The following RNF19A variants were observed in gnomAD, a reference collection of about 807,000 sequenced individuals.
The protein encoded by RNF19A is E3 ubiquitin-protein ligase RNF19A.
A neutral mutation model predicts 75.7 loss-of-function variants in RNF19A; 32 were observed. That is an observed-to-expected ratio of 0.42 (90% CI 0.32 to 0.57). RNF19A has a LOEUF of 0.57. Ranked by LOEUF, RNF19A falls within the 20% of genes least tolerant of loss-of-function variation. The pLI, the probability that RNF19A is intolerant of heterozygous loss-of-function variation, is 0.10. For missense variants in RNF19A, 782 were observed against 1,036.3 expected (o/e 0.75, Z 3.37); for synonymous variants, 335 against 345.2 (o/e 0.97, Z 0.33).
intron 1 of RNF19A, among the ~76,000 whole-genome samples, chr8:100,290,984 G>C (rs1390100889): frequency 2.0e-5 from 3 of 152,192 alleles, no homozygotes; most frequent in Non-Finnish European, 4.4e-5. Flanking sequence ...GCAGTCCTTA[G>C]AGGTCAACCT....
chr8:100,263,941 G>T, intron 7 of RNF19A, 93 bp downstream of exon 7: 2 of 1,038,854 alleles, frequency 1.9e-6, no homozygotes, highest in Non-Finnish European at 1.4e-6. Context: ...TAAAAGGATG[G>T]CAATGGAAAT....
At chr8:100,308,146 C>A (rs1210453475) in intron 1 of RNF19A, among the ~76,000 whole-genome samples, 2 of 152,084 alleles carry the variant, frequency 1.3e-5, no homozygotes, top group South Asian at 2.1e-4. Flanking sequence ...CTCCTGGAAG[C>A]TAAGATAGTG....
At chr8:100,263,752 T>C (rs1819836409) in intron 7 of RNF19A, among the ~76,000 whole-genome samples, 1 of 152,148 alleles carries the variant, frequency 6.6e-6, no homozygotes, top group African/African-American at 2.4e-5. Context: ...TTCATATCCT[T>C]TACTTAGTTA....
At chr8:100,296,659 A>C (rs555650308) in intron 1 of RNF19A, among the ~76,000 whole-genome samples, 1 of 152,352 alleles carries the variant, frequency 6.6e-6, no homozygotes, top group South Asian at 2.1e-4. Context: ...CTAAAGTACA[A>C]TGAAAGGTTA....
rs774716880 is a variant in RNF19A, at chr8:100,264,683, C to T, written c.1294G>A (p.Ala432Thr). 6.2e-6 allele frequency: 10 copies of T among 1,609,090 alleles called. No individual in the cohort carries two copies. Among genetic ancestry groups the T allele is most frequent in the Non-Finnish European group, 7.7e-6 (9 of 1,175,964 alleles). ...AGCATTTTCTTACCTACAGTCACTGCAGCTACTACTGGAGACACGATTACA... is the reference window on the plus strand; with the variant it reads ...AGCATTTTCTTACCTACAGTCACTGTAGCTACTACTGGAGACACGATTACA... ...LSVIVSPVVA[A>T]VTVGIGVPIM... is the part of the protein sequence containing the mutation. The change falls in exon 6 of 10, where the codon GCA (alanine) becomes ACA (threonine). Residue 432 changes from alanine (A) to threonine (T), a missense_variant. By Grantham distance (58) the Ala-to-Thr change is moderately conservative. This residue lies in a region of RNF19A where 442 missense variants were observed against 541.6 expected (regional missense o/e 0.82). Transcript: ENST00000341084. This position sits in a 1 kb window ranked among gnomAD's most constrained non-coding sequence, Gnocchi z 4.7.
intron 3 of RNF19A, 113 bp downstream of exon 3, chr8:100,274,840 C>T: frequency 1.2e-6 from 1 of 802,422 alleles, no homozygotes; most frequent in Non-Finnish European, 1.9e-6. Context: ...TAGAAATGCA[C>T]TTAAAAACAC....
intron 1 of RNF19A, among the ~76,000 whole-genome samples, chr8:100,289,951 T>C (rs1463836334): frequency 1.3e-5 from 2 of 152,068 alleles, no homozygotes; most frequent in Non-Finnish European, 2.9e-5. Context: ...TCTAAAGCAA[T>C]GAAGCAATGA....
chr8:100,308,781 TA>T (rs1391355144), intron 1 of RNF19A, among the ~76,000 whole-genome samples: 1 of 152,208 alleles, frequency 6.6e-6, no homozygotes, highest in African/African-American at 2.4e-5. Context: ...TACTAACACT[TA>T]AAATTAGCAT....
chr8:100,283,984 T>C (rs1017984486), intron 2 of RNF19A, among the ~76,000 whole-genome samples: 2 of 152,148 alleles, frequency 1.3e-5, no homozygotes, highest in Non-Finnish European at 2.9e-5. Flanking sequence ...AAGGCTTCAG[T>C]AAGCTTCAAT....
intron 2 of RNF19A, among the ~76,000 whole-genome samples, chr8:100,280,701 T>C (rs1450914375): frequency 2.0e-5 from 3 of 152,214 alleles, no homozygotes; most frequent in Admixed American, 1.3e-4. Flanking sequence ...GTGCTTCCTA[T>C]GTAGGTGTTT....
intron 5 of RNF19A, among the ~76,000 whole-genome samples, chr8:100,267,005 C>T (rs191521477): frequency 4.1e-4 from 63 of 152,156 alleles, no homozygotes; most frequent in African/African-American, 1.3e-3. Flanking sequence ...TATTCCCAGT[C>T]GGGTCCCAGA....
At chr8:100,289,066 A>AG (rs1821171381) in intron 1 of RNF19A, among the ~76,000 whole-genome samples, 1 of 151,732 alleles carries the variant, frequency 6.6e-6, no homozygotes, top group African/African-American at 2.4e-5. Flanking sequence ...TCTCAAAAAA[A>AG]AAAAAAAAAA....
intron 5 of RNF19A, among the ~76,000 whole-genome samples, chr8:100,268,193 C>G (rs1414319745): frequency 6.6e-6 from 1 of 151,770 alleles, no homozygotes; most frequent in Non-Finnish European, 1.5e-5. Flanking sequence ...CTTCTTAGGA[C>G]CTCATAAATT....
At chr8:100,286,059 T>C (rs900692128) in intron 2 of RNF19A, among the ~76,000 whole-genome samples, 1 of 152,202 alleles carries the variant, frequency 6.6e-6, no homozygotes, top group South Asian at 2.1e-4. Flanking sequence ...TGTGCACCAG[T>C]GGAAATGCAC....
chr8:100,315,832 T>C lies in RNF19A; in HGVS notation c.-242-2460A>G, dbSNP rs148327294. 3.4e-3 allele frequency among the ~76,000 whole-genome samples: 525 copies of C among 152,304 alleles called. 2 individuals are homozygous for C. The highest frequency in any genetic ancestry group is 0.012 in the African/African-American group (495 of 41,558). ...CTAATCTTGCTTGTTAAAATAGATT[T>C]CTGAGTTTCATATCAGACTAACAGA... On this transcript the variant is annotated intron_variant, in intron 1 of 3. Coordinates refer to the RNF19A transcript ENST00000519527.
chr8:100,283,183 G>A (rs147088547), intron 2 of RNF19A, among the ~76,000 whole-genome samples: 17 of 114,260 alleles, frequency 1.5e-4, no homozygotes, highest in South Asian at 2.9e-4. Flanking sequence ...AACTCACATG[G>A]GATGACAGGG....
intron 2 of RNF19A, among the ~76,000 whole-genome samples, chr8:100,277,372 C>T (rs1431720531): frequency 1.3e-5 from 2 of 151,932 alleles, no homozygotes; most frequent in African/African-American, 2.4e-5. Context: ...AGTGCAGTGG[C>T]GCGATCTCGG....
At chr8:100,305,734 C>T (rs1247744937) in intron 1 of RNF19A, among the ~76,000 whole-genome samples, 1 of 152,150 alleles carries the variant, frequency 6.6e-6, no homozygotes, top group Non-Finnish European at 1.5e-5. Flanking sequence ...AAAGAGTGAA[C>T]AAAGAAAATG....
rs767558542 is a variant in RNF19A at position 100,332,190 on chromosome 8, T to G, written c.-243+3918A>C. Among the ~76,000 whole-genome samples, 2 of 152,184 alleles carry G rather than the reference T, an allele frequency of 1.3e-5. No homozygotes were observed. The highest frequency in any genetic ancestry group is 2.4e-5 in the African/African-American group (1 of 41,430). On this transcript the variant is annotated intron_variant, in intron 1 of 3. Coordinates refer to the RNF19A transcript ENST00000519527. This position sits in a 1 kb window ranked among gnomAD's most constrained non-coding sequence, Gnocchi z 4.8. ...ATACTGATATCTGATTTGGTTTGGC[T>G]CTGTGTCCCCATGTAAATCTTATCT...
Sources: gnomAD v4.1 joint callset for allele counts (sites outside exome capture counted in the v4.1 genomes callset) on GRCh38, gnomAD v4.1.1 for gene constraint, gnomAD v4.1.1 regional missense constraint, Gnocchi (gnomAD v3.1) non-coding constraint, MANE v1.5 for transcripts, NCBI Gene and HGNC (gene_info 2026-07-23, HGNC 2026-07-21) for gene names.